The following CHAF1A variants were observed in gnomAD, a reference collection of about 807,000 sequenced individuals.
CHAF1A encodes CAF-1 subunit A.
CHAF1A carries 5 observed loss-of-function variants against 93.2 expected under a neutral mutation model. The observed-to-expected ratio is 0.05, with a 90% CI of 0.03 to 0.11. The LOEUF (loss-of-function observed/expected upper bound fraction) is 0.11, where lower values mean the gene tolerates loss of function less well. Among genes scored for constraint, CHAF1A ranks in the 10% least tolerant of loss-of-function variants. The probability of loss-of-function intolerance (pLI) is 1.00; values close to 1 mark genes in which losing one functional copy is unlikely to be tolerated. For missense variants in CHAF1A, 1,102 were observed against 1,259.9 expected, an observed-to-expected ratio of 0.87 and a Z score of 1.90; for synonymous variants, 504 against 510.3, an observed-to-expected ratio of 0.99 and a Z score of 0.17.
chr19:4,432,430 C>G (rs1304363374), intron 12 of CHAF1A, among the ~76,000 whole-genome samples: 1 of 152,100 alleles, frequency 6.6e-6, no homozygotes, highest in Non-Finnish European at 1.5e-5. Context: ...AGGACACAGG[C>G]ACAGAGAGTG....
At chr19:4,418,982 C>T (rs1012120172) in intron 4 of CHAF1A, among the ~76,000 whole-genome samples, 3 of 151,888 alleles carry the variant, frequency 2.0e-5, no homozygotes, top group Non-Finnish European at 4.4e-5. Flanking sequence ...TCTGCCTCAG[C>T]CTCCCGAGTA....
At chr19:4,432,637 G>A (rs141275592) in intron 12 of CHAF1A, among the ~76,000 whole-genome samples, 49 of 152,102 alleles carry the variant, frequency 3.2e-4, no homozygotes, top group African/African-American at 1.1e-3. Context: ...TCACGCACCT[G>A]TGATCCCAGC....
In CHAF1A at chr19:4,422,537, C is replaced by T; in HGVS notation, c.1018-29C>T. On this transcript the variant is annotated intron_variant, in intron 4 of 14. Coordinates refer to ENST00000301280, the MANE Select transcript of CHAF1A (RefSeq NM_005483.3). The surrounding 1 kb of genome is among the most constrained non-coding windows in gnomAD (Gnocchi z 4.6). ...TCCTCCTGGGAGTTGGAGGGAGGGC[C>T]ACCTGTCACTTGCCACACTGTCTTG... 1.3e-6 allele frequency: 2 copies of T among 1,547,898 alleles called. No homozygotes were observed. The highest frequency in any genetic ancestry group is 1.9e-4 in the Middle Eastern group (1 of 5,254).
rs565521134 is a variant in CHAF1A at position 4,433,398 on chromosome 19, G to A, written c.2532G>A (p.Ser844=). The A allele has an allele frequency of 2.0e-5, 32 of 1,612,614 alleles. No homozygotes were observed. The East Asian group carries it at 3.1e-4, about 16-fold the overall frequency. Residue 844 remains serine (S), a synonymous_variant, in exon 13 of 15, where the codon TCG becomes TCA. Transcript: ENST00000301280. The surrounding 1 kb of genome is among the most constrained non-coding windows in gnomAD (Gnocchi z 5.6). The stretch of plus-strand genomic sequence containing the variant: ...CGTGCCAGTGGAGCTATGTGACATC[G>A]GTGCCCTCGGCCCCCAAAGAGGACA... ...PVPCQWSYVT[S]VPSAPKEDSG... is the part of the protein sequence containing the mutation.
chr19:4,429,136 G>A (rs575591216), intron 8 of CHAF1A: 14 of 591,838 alleles, frequency 2.4e-5, no homozygotes, highest in Non-Finnish European at 4.2e-5. Context: ...CTGGTCTCCA[G>A]TGAAGGATAC....
intron 1 of CHAF1A, among the ~76,000 whole-genome samples, chr19:4,405,008 G>A (rs777049175): frequency 3.7e-4 from 57 of 152,142 alleles, no homozygotes; most frequent in Non-Finnish European, 8.1e-4. Context: ...AGATTTGGTG[G>A]TGGTATGGGG....
chr19:4,411,161 T>C (rs1457596113), intron 3 of CHAF1A, among the ~76,000 whole-genome samples: 4 of 152,144 alleles, frequency 2.6e-5, no homozygotes, highest in Non-Finnish European at 4.4e-5. Context: ...TGTAAGCAGG[T>C]ACAGTAGACC....
chr19:4,411,751 G>A (rs1230975172), intron 3 of CHAF1A, among the ~76,000 whole-genome samples: 3 of 144,452 alleles, frequency 2.1e-5, no homozygotes, highest in Admixed American at 7.2e-5. Flanking sequence ...AGGTTCAAGC[G>A]ATTTTCCTGC....
At position 4,423,384 on chromosome 19, in the gene CHAF1A, G is replaced by A; in HGVS notation, c.1297G>A (p.Glu433Lys). 1 of 1,614,136 alleles carries A rather than the reference G, an allele frequency of 6.2e-7. No individual in the cohort carries two copies. The highest frequency in any genetic ancestry group is 8.5e-7 in the Non-Finnish European group (1 of 1,179,998). ...RKKEEEKRLR[E>K]EEKRIKAEKA... The stretch of plus-strand genomic sequence containing the variant: ...AAAGGAAGAAGAGAAACGGTTAAGA[G>A]AAGAAGAGAAGGTAGAGTGTTTCCC... The change falls in exon 6 of 15, where the codon GAA (glutamate) becomes AAA (lysine). Residue 433 changes from glutamate (E) to lysine (K), a missense_variant. Glu to Lys is a moderately conservative substitution (Grantham distance 56, BLOSUM62 1). Transcript: ENST00000301280.
At chr19:4,419,967 T>C (rs1973961901) in intron 4 of CHAF1A, among the ~76,000 whole-genome samples, 1 of 152,184 alleles carries the variant, frequency 6.6e-6, no homozygotes, top group African/African-American at 2.4e-5. Flanking sequence ...GACGGTCACC[T>C]TCCTCGTGTG....
chr19:4,440,042 G>A (rs1020381145), intron 13 of CHAF1A, among the ~76,000 whole-genome samples: 1 of 152,216 alleles, frequency 6.6e-6, no homozygotes, highest in Non-Finnish European at 1.5e-5. Context: ...AGTCTGCCTG[G>A]CCAGGCACTG....
downstream of CHAF1A, chr19:4,445,899 G>A: frequency 7.6e-7 from 1 of 1,312,940 alleles, no homozygotes; most frequent in Non-Finnish European, 1.0e-6. Context: ...CCTGCTGCCA[G>A]TAAGTGGGAA....
intron 13 of CHAF1A, among the ~76,000 whole-genome samples, chr19:4,434,818 G>A (rs776894894): frequency 6.6e-6 from 1 of 152,080 alleles, no homozygotes; most frequent in Non-Finnish European, 1.5e-5. Flanking sequence ...GCAGAACACC[G>A]CCCGGTGTAA....
At chr19:4,412,973 A>G (rs1973833574) in intron 3 of CHAF1A, among the ~76,000 whole-genome samples, 1 of 151,694 alleles carries the variant, frequency 6.6e-6, no homozygotes, top group Admixed American at 6.6e-5. Flanking sequence ...GCTGAGAGAG[A>G]CTCCATCCCC....
chr19:4,405,366 T>G (rs1000141055), intron 1 of CHAF1A, among the ~76,000 whole-genome samples: 6 of 152,100 alleles, frequency 3.9e-5, no homozygotes, highest in African/African-American at 1.2e-4. Context: ...GGCCAGCACT[T>G]TGGGAGGCTG....
At chr19:4,424,632 T>TTTTTTA (rs1198531161) in intron 7 of CHAF1A, among the ~76,000 whole-genome samples, 21 of 152,134 alleles carry the variant, frequency 1.4e-4, no homozygotes, top group African/African-American at 4.8e-4. Context: ...GCCTGGCTAA[T>TTTTTTA]TTTTTATTTT....
intron 7 of CHAF1A, among the ~76,000 whole-genome samples, chr19:4,426,044 A>G (rs1274825579): frequency 7.0e-6 from 1 of 143,292 alleles, no homozygotes. Context: ...CTATTTTTTT[A>G]CCTATTTTTC....
Position 4,429,418 on chromosome 19 carries a change from C to T in CHAF1A, c.1605-20C>T, listed in dbSNP as rs752802681. On this transcript the variant is annotated intron_variant, in intron 8 of 14. Transcript: ENST00000301280. The stretch of plus-strand genomic sequence containing the variant: ...GTCTGTAAGGCAGCGTGATCCTGAG[C>T]CTGGGGTTTTCCTTCTCAGTGATGT... 4 of 1,611,718 alleles carry T rather than the reference C, an allele frequency of 2.5e-6. No individual in the cohort carries two copies. In the South Asian group the frequency reaches 4.4e-5, roughly 18 times the overall value.
At position 4,433,870 on chromosome 19, in the gene CHAF1A, G is replaced by T. The variant is rs573536221; in HGVS notation, c.2673+331G>T. Reference sequence around the variant, plus strand: ...CTGCCTTGTCCTCCCAAAGTGCTGGGATTACAGGCGTGAGCCACCTCGCCT... The same window carrying T: ...CTGCCTTGTCCTCCCAAAGTGCTGGTATTACAGGCGTGAGCCACCTCGCCT... On this transcript the variant is annotated intron_variant, in intron 13 of 14. Transcript: ENST00000301280. The surrounding 1 kb of genome is among the most constrained non-coding windows in gnomAD (Gnocchi z 5.6). Among the ~76,000 whole-genome samples the T allele has an allele frequency of 6.6e-6, 1 of 152,210 alleles. No homozygotes were observed. The highest frequency in any genetic ancestry group is 1.9e-4 in the East Asian group (1 of 5,140).
Sources: allele counts gnomAD v4.1 joint callset (sites outside exome capture counted in the v4.1 genomes callset), GRCh38; gene constraint gnomAD v4.1.1; non-coding constraint Gnocchi (gnomAD v3.1); transcripts MANE v1.5; gene names NCBI Gene and HGNC (gene_info 2026-07-23, HGNC 2026-07-21).